Variants in CACNB4 observed in about 807,000 individuals in gnomAD.
CACNB4 encodes calcium voltage-gated channel auxiliary subunit beta 4.
In CACNB4, 32 loss-of-function variants were observed where a neutral mutation model predicts 71.2. That is an observed-to-expected ratio of 0.45 (90% CI 0.34 to 0.60). The LOEUF is 0.60. Among genes scored for constraint, CACNB4 ranks in the 20% least tolerant of loss-of-function variants. CACNB4 has a pLI of 0.01. For missense variants in CACNB4, 464 were observed against 647.9 expected, an observed-to-expected ratio of 0.72 and a Z score of 3.08; for synonymous variants, 231 against 236.9, an observed-to-expected ratio of 0.97 and a Z score of 0.23.
intron 2 of CACNB4, among the ~76,000 whole-genome samples, chr2:152,010,526 T>C (rs1182395130): frequency 1.3e-5 from 2 of 152,216 alleles, no homozygotes; most frequent in African/African-American, 4.8e-5. Context: ...AAAAGATTAT[T>C]TGCCATACAC....
chr2:151,841,564 A>C, intron 13 of CACNB4: 1 of 252,508 alleles, frequency 4.0e-6, no homozygotes, highest in Non-Finnish European at 7.6e-6. Flanking sequence ...TTCCAGCCTG[A>C]ACAACAGAGT....
chr2:151,843,343 G>A (rs978092409), intron 12 of CACNB4, among the ~76,000 whole-genome samples: 1 of 152,216 alleles, frequency 6.6e-6, no homozygotes. Context: ...TTGAGACAGT[G>A]TTGCTCTGTG....
intron 2 of CACNB4, among the ~76,000 whole-genome samples, chr2:152,034,974 C>T (rs1684479867): frequency 6.6e-6 from 1 of 152,178 alleles, no homozygotes; most frequent in Non-Finnish European, 1.5e-5. Flanking sequence ...AAAGTATTGG[C>T]AGTGGTTGAT....
chr2:152,092,253 A>G (rs1229749162), intron 2 of CACNB4, among the ~76,000 whole-genome samples: 1 of 152,270 alleles, frequency 6.6e-6, no homozygotes, highest in African/African-American at 2.4e-5. Flanking sequence ...TAAATTTTGC[A>G]TATATACATG....
intron 2 of CACNB4, among the ~76,000 whole-genome samples, chr2:151,984,206 T>C (rs978464410): frequency 3.3e-5 from 5 of 152,164 alleles, no homozygotes; most frequent in African/African-American, 9.6e-5. Context: ...TTTGGAAATG[T>C]TGACATGCAA....
At chr2:151,920,318 C>CT (rs10574154) in intron 2 of CACNB4, among the ~76,000 whole-genome samples, 5,650 of 66,064 alleles carry the variant, frequency 0.086, 1,088 homozygotes, top group African/African-American at 0.2. Flanking sequence ...TCTTCTTCTT[C>CT]TTTTTTTTTT....
rs185802430 is a variant in CACNB4, at chr2:151,871,951, C to T, written c.598+466G>A. The T allele has an allele frequency of 6.1e-5, 10 of 164,878 alleles. No homozygotes were observed. In the East Asian group the frequency reaches 1.3e-3, roughly 22 times the overall value. The allele number at this position is 164,878 out of a possible 1,614,324, so 10.2% of individuals were successfully genotyped here. On this transcript the variant is annotated intron_variant, in intron 6 of 13. Coordinates refer to ENST00000539935, the MANE Select transcript of CACNB4 (RefSeq NM_000726.5). Reference sequence around the variant, plus strand: ...TGGCTGTCTGCTGTCCAAATGTAAACGAGGCCCTCCCTCCTTTGGGCCCTG... The same window carrying T: ...TGGCTGTCTGCTGTCCAAATGTAAATGAGGCCCTCCCTCCTTTGGGCCCTG...
intron 2 of CACNB4, among the ~76,000 whole-genome samples, chr2:151,939,905 GA>G (rs1001115175): frequency 6.6e-5 from 10 of 151,156 alleles, no homozygotes; most frequent in African/African-American, 7.3e-5. Flanking sequence ...ATTTCTTAAA[GA>G]AAAAAAAACC....
rs934329363 is a variant in CACNB4, at chr2:152,000,185, G to A, written c.147+98145C>T. ...CCCACCTCACTCTTCAGGGGCTTTC[G>A]AGCTATGTCCTCCCTGCCAAGGCTT... On this transcript the variant is annotated intron_variant, in intron 2 of 13. Transcript: ENST00000539935. Among the ~76,000 whole-genome samples, 7 of 152,216 alleles carry A rather than the reference G, an allele frequency of 4.6e-5. No individual in the cohort carries two copies. The South Asian group carries it at 6.2e-4, about 14-fold the overall frequency.
rs773577703 is a variant in CACNB4, at chr2:151,860,692, C to A, written c.868+19G>T. On this transcript the variant is annotated intron_variant, in intron 10 of 13. Transcript: ENST00000539935. ...TCTGTAAGCACAGCTTGAAGAAGTACCACATTTGAACATCTTACCTAAGCT... is the reference window on the plus strand; with the variant it reads ...TCTGTAAGCACAGCTTGAAGAAGTAACACATTTGAACATCTTACCTAAGCT... 31 of 1,510,480 alleles carry A rather than the reference C, an allele frequency of 2.1e-5. No individual in the cohort carries two copies. The highest frequency in any genetic ancestry group is 2.9e-5 in the Non-Finnish European group (31 of 1,085,550). 93.6% of individuals were successfully genotyped at this position (1,510,480 alleles called of 1,614,324 possible). A position where few individuals can be genotyped will look rare whatever the true frequency, so the allele number is the denominator to read the frequency against.
intron 12 of CACNB4, among the ~76,000 whole-genome samples, chr2:151,845,026 C>T (rs2099837179): frequency 6.6e-6 from 1 of 152,154 alleles, no homozygotes; most frequent in Admixed American, 6.5e-5. Context: ...GCCAGGATTG[C>T]AAAGCCCAAG....
chr2:151,992,680 T>C (rs1453275938), intron 2 of CACNB4, among the ~76,000 whole-genome samples: 1 of 152,218 alleles, frequency 6.6e-6, no homozygotes, highest in South Asian at 2.1e-4. Flanking sequence ...TTTAAGTTTC[T>C]GGGAAAGCTA....
At chr2:151,841,732 AGT>A in intron 13 of CACNB4, 169 bp downstream of exon 13, 1 of 548,460 alleles carries the variant, frequency 1.8e-6, no homozygotes, top group East Asian at 3.2e-5. Flanking sequence ...GTCTCTGGGT[AGT>A]TTTCTCTAGG....
intron 2 of CACNB4, among the ~76,000 whole-genome samples, chr2:152,056,028 A>G (rs4664524): frequency 0.24 from 36,436 of 152,004 alleles, 5,492 homozygotes; most frequent in East Asian, 0.76. Flanking sequence ...AAATCTGGTT[A>G]TACCAATTGG....
At chr2:151,971,642 G>C in intron 2 of CACNB4, 1 of 702,794 alleles carries the variant, frequency 1.4e-6, no homozygotes, top group Non-Finnish European at 2.6e-6. Flanking sequence ...TTTAGGCCTA[G>C]TCTTCTCCAT....
intron 2 of CACNB4, among the ~76,000 whole-genome samples, chr2:151,897,722 G>A (rs13013958): frequency 0.72 from 109,524 of 152,020 alleles, 40,385 homozygotes; most frequent in East Asian, 0.94. Flanking sequence ...GGAATTCTAG[G>A]GCTGCTCCTT....
chr2:151,862,207 T>C (rs1373843230), intron 9 of CACNB4, among the ~76,000 whole-genome samples: 3 of 152,198 alleles, frequency 2.0e-5, no homozygotes, highest in South Asian at 2.1e-4. Context: ...TACTGAAACA[T>C]ATGTCATTTC....
At chr2:151,934,078 C>T (rs1178606935) in intron 2 of CACNB4, among the ~76,000 whole-genome samples, 3 of 151,984 alleles carry the variant, frequency 2.0e-5, no homozygotes, top group East Asian at 3.8e-4. Flanking sequence ...AAAAGTTTTC[C>T]GGCCCTGAGG....
At chr2:151,982,513 A>G (rs939601804) in intron 2 of CACNB4, among the ~76,000 whole-genome samples, 2 of 151,974 alleles carry the variant, frequency 1.3e-5, no homozygotes, top group African/African-American at 4.8e-5. Context: ...TGGCGCCTGT[A>G]GTCCCAGCTA....
Sources: gnomAD v4.1 joint callset for allele counts (sites outside exome capture counted in the v4.1 genomes callset) on GRCh38, gnomAD v4.1.1 for gene constraint, MANE v1.5 for transcripts, NCBI Gene and HGNC (gene_info 2026-07-23, HGNC 2026-07-21) for gene names.